The following SPTBN2 variants were observed in gnomAD, a reference collection of about 807,000 sequenced individuals.
SPTBN2 encodes spectrin beta, non-erythrocytic 2.
A neutral mutation model predicts 284.2 loss-of-function variants in SPTBN2; 107 were observed. The observed-to-expected ratio is 0.38, with a 90% CI of 0.32 to 0.44. The LOEUF is 0.44. SPTBN2 is among the 20% of genes least tolerant of loss of function. The pLI is 1.00. For missense variants in SPTBN2, 2,569 were observed against 3,287.1 expected, an observed-to-expected ratio of 0.78 and a Z score of 5.34; for synonymous variants, 1,289 against 1,354.8, an observed-to-expected ratio of 0.95 and a Z score of 1.07.
At chr11:66,697,546 G>C (rs563811386) in intron 20 of SPTBN2, among the ~76,000 whole-genome samples, 10 of 152,170 alleles carry the variant, frequency 6.6e-5, no homozygotes, top group African/African-American at 2.2e-4. Context: ...AACAGGCACT[G>C]CCTACCACTG....
At chr11:66,722,575 C>CAAAAA in intron 1 of SPTBN2, among the ~76,000 whole-genome samples, 1 of 50,978 alleles carries the variant, frequency 2.0e-5, no homozygotes. Context: ...GACTCTGTCT[C>CAAAAA]AAAAAAAAAA....
Position 66,688,149 on chromosome 11 carries a change from C to G in SPTBN2, c.6374+20G>C. The G allele has an allele frequency of 6.2e-7, 1 of 1,613,524 alleles. No individual in the cohort carries two copies. The highest frequency in any genetic ancestry group is 1.1e-5 in the South Asian group (1 of 91,082). On this transcript the variant is annotated intron_variant, in intron 32 of 37. Transcript: ENST00000533211. ...CCTGGGCTCAGCCGCCTCCTCCTAC[C>G]CAGGCATCCTGGCTCTCACCCGTCC...
intron 32 of SPTBN2, 22 bp from the exon 33 acceptor site, chr11:66,688,101 C>A: frequency 6.2e-7 from 1 of 1,613,932 alleles, no homozygotes; most frequent in Non-Finnish European, 8.5e-7. Flanking sequence ...AAAGGCAACA[C>A]AGAATCATTA....
At chr11:66,712,101 T>G (rs1026473493) in intron 8 of SPTBN2, among the ~76,000 whole-genome samples, 11 of 152,182 alleles carry the variant, frequency 7.2e-5, no homozygotes, top group African/African-American at 2.7e-4. Context: ...TGAACGCCAA[T>G]CTCAGCTCCA....
Position 66,684,089 on chromosome 11 carries a change from C to T in SPTBN2, c.*1782G>A, listed in dbSNP as rs77589052. 0.05 allele frequency among the ~76,000 whole-genome samples: 7,652 copies of T among 152,318 alleles called. 204 individuals are homozygous for T. The highest frequency in any genetic ancestry group is 0.092 in the Middle Eastern group (27 of 294). ...TGTGCTAGTTCTGGGCCTGCACACA[C>T]CTAACTCGGTCTTCGTCATGACTGA... On this transcript the variant is annotated 3_prime_UTR_variant, in exon 38 of 38. Transcript: ENST00000533211.
At chr11:66,721,571 AG>A (rs1320212499) in intron 1 of SPTBN2, 131 bp from the exon 2 acceptor site, 2 of 411,062 alleles carry the variant, frequency 4.9e-6, no homozygotes, top group Non-Finnish European at 9.2e-6. Context: ...GGGTGAAGAA[AG>A]GGGTGATGGG....
intron 36 of SPTBN2, 31 bp downstream of exon 36, chr11:66,686,963 C>A (rs2135295333): frequency 6.2e-7 from 1 of 1,613,124 alleles, no homozygotes; most frequent in South Asian, 1.1e-5. Flanking sequence ...AACTCTCCTC[C>A]CATCCCGAGA....
At position 66,701,011 on chromosome 11, in the gene SPTBN2, G is replaced by T; in HGVS notation, c.3088C>A (p.Pro1030Thr). The T allele has an allele frequency of 6.2e-7, 1 of 1,608,064 alleles. No individual in the cohort carries two copies. The highest frequency in any genetic ancestry group is 1.3e-5 in the African/African-American group (1 of 75,046). ...GCGTTGATGGCCACTGCCTGAGCGG[G>T]ATGGCCGGCAGCCAGGGCATTTGCC... ...REANALAAGHPAQAVAINARL... is the reference protein window; with the variant it reads ...REANALAAGHTAQAVAINARL... The change falls in exon 17 of 38, where the codon CCC (proline) becomes ACC (threonine). Residue 1030 changes from proline (P) to threonine (T), a missense_variant. Pro to Thr is a conservative substitution (Grantham distance 38). Transcript: ENST00000533211.
Position 66,692,603 on chromosome 11 carries a change from T to C in SPTBN2, c.5123A>G (p.Gln1708Arg), listed in dbSNP as rs1461479735. 2.5e-6 allele frequency: 4 copies of C among 1,607,040 alleles called. No homozygotes were observed. The highest frequency in any genetic ancestry group is 3.4e-6 in the Non-Finnish European group (4 of 1,179,944). ...CACCACCTCGCGCTCCTGGATCCACTGTTCCAGGTCATCCAGCTCGCGGCG... is the reference window on the plus strand; with the variant it reads ...CACCACCTCGCGCTCCTGGATCCACCGTTCCAGGTCATCCAGCTCGCGGCG... ...QLRRELDDLE[Q>R]WIQEREVVAA... The change falls in exon 26 of 38, where the codon CAG becomes CGG. Residue 1708 changes from glutamine (Q) to arginine (R), a missense_variant. Physicochemically the swap from Gln to Arg is conservative, Grantham distance 43. Around this residue, in one of 6 missense-constraint regions of SPTBN2, gnomAD observed 1,130 missense variants for 1,317.3 expected, o/e 0.86. Coordinates refer to ENST00000533211, the MANE Select transcript of SPTBN2 (RefSeq NM_006946.4).
chr11:66,692,607 C>G lies in SPTBN2; in HGVS notation c.5119G>C (p.Glu1707Gln). ...CQLRRELDDLEQWIQEREVVA... is the reference protein window; with the variant it reads ...CQLRRELDDLQQWIQEREVVA... The stretch of plus-strand genomic sequence containing the variant: ...ACCTCGCGCTCCTGGATCCACTGTT[C>G]CAGGTCATCCAGCTCGCGGCGGAGC... The change falls in exon 26 of 38, where the codon GAA becomes CAA. Residue 1707 changes from glutamate to glutamine, a missense_variant. Physicochemically the swap from Glu to Gln is conservative, Grantham distance 29. This residue lies in a region of SPTBN2 where 1,130 missense variants were observed against 1,317.3 expected (regional missense o/e 0.86). Transcript: ENST00000533211. The G allele has an allele frequency of 1.2e-6, 2 of 1,606,936 alleles. No homozygotes were observed. Among genetic ancestry groups the G allele is most frequent in the Non-Finnish European group, 1.7e-6 (2 of 1,179,954 alleles).
rs1343228562 is a variant in SPTBN2, at chr11:66,682,558, A to G, written c.*3313T>C. On this transcript the variant is annotated 3_prime_UTR_variant, in exon 38 of 38. Transcript: ENST00000533211. ...AATATATCTAAAATATTATTTCAAC[A>G]CATAATCAATATAAAAATTAAGGTA... is the stretch of plus-strand genomic sequence containing the variant. 6.6e-6 allele frequency among the ~76,000 whole-genome samples: 1 copy of G among 152,204 alleles called. No homozygotes were observed. The highest frequency in any genetic ancestry group is 2.4e-5 in the African/African-American group (1 of 41,434).
rs1377669364 is a variant in SPTBN2 at position 66,686,986 on chromosome 11, G to A, written c.6896+8C>T. The A allele has an allele frequency of 1.2e-6, 2 of 1,613,792 alleles. No homozygotes were observed. Among genetic ancestry groups the A allele is most frequent in the Admixed American group, 1.7e-5 (1 of 60,018 alleles). On this transcript the variant is annotated splice_region_variant and intron_variant, in intron 36 of 37. Transcript: ENST00000533211. ...TCCCATCCCGAGAGCACTGTTCCCT[G>A]TTCCTACCCCAGCTTGAAGACATGT...
At chr11:66,689,269 T>C in intron 29 of SPTBN2, 89 bp from the exon 30 acceptor site, 1 of 936,154 alleles carries the variant, frequency 1.1e-6, no homozygotes, top group Non-Finnish European at 1.5e-6. Context: ...GACAGGTGAT[T>C]TCTTTCTTTC....
At chr11:66,696,099 C>A (rs1253874573) in intron 21 of SPTBN2, among the ~76,000 whole-genome samples, 178 bp downstream of exon 21, 1 of 152,214 alleles carries the variant, frequency 6.6e-6, no homozygotes, top group Non-Finnish European at 1.5e-5. Flanking sequence ...TGTCTCCTAA[C>A]TCTAACCCTG....
intron 29 of SPTBN2, chr11:66,689,399 G>C (rs570223775): frequency 5.3e-6 from 3 of 566,060 alleles, no homozygotes; most frequent in Non-Finnish European, 6.2e-6. Context: ...CTCAGCCTCC[G>C]AGTAGCTGGG....
At position 66,689,177 on chromosome 11, in the gene SPTBN2, A is replaced by C; in HGVS notation, c.5953T>G (p.Ser1985Ala). The C allele has an allele frequency of 1.2e-6, 2 of 1,604,760 alleles. No homozygotes were observed. The highest frequency in any genetic ancestry group is 1.7e-6 in the Non-Finnish European group (2 of 1,174,910). Residue 1985 changes from serine (S) to alanine (A), a missense_variant, in exon 30 of 38, where the codon TCA becomes GCA. Ser to Ala is a moderately conservative substitution (Grantham distance 99). Transcript: ENST00000533211. Reference sequence around the variant, plus strand: ...GCCTGCAGCTGAGACAGCTTCTCTGAGATCTGGGGGCGGGGGGCAGAGATA... The same window carrying C: ...GCCTGCAGCTGAGACAGCTTCTCTGCGATCTGGGGGCGGGGGGCAGAGATA... ...ARSHYAAEEISEKLSQLQARR... is the reference protein window; with the variant it reads ...ARSHYAAEEIAEKLSQLQARR...
At position 66,685,649 on chromosome 11, in the gene SPTBN2, G is replaced by T; in HGVS notation, c.*222C>A. On this transcript the variant is annotated 3_prime_UTR_variant, in exon 38 of 38. Transcript: ENST00000533211. This position sits in a 1 kb window ranked among gnomAD's most constrained non-coding sequence, Gnocchi z 4.4. ...AGAAGTCGGCGGGGGTGGGAGAGGGGGTTACCTGGGTCCCACCACCAGTCT... is the reference window on the plus strand; with the variant it reads ...AGAAGTCGGCGGGGGTGGGAGAGGGTGTTACCTGGGTCCCACCACCAGTCT... The T allele has an allele frequency of 5.2e-6, 3 of 571,676 alleles. No homozygotes were observed. Among genetic ancestry groups the T allele is most frequent in the Non-Finnish European group, 9.5e-6 (3 of 316,744 alleles). 35.4% of individuals were successfully genotyped at this position (571,676 alleles called of 1,614,324 possible). A position where few individuals can be genotyped will look rare whatever the true frequency, so the allele number is the denominator to read the frequency against.
chr11:66,733,696 G>A (rs1291153844), upstream of SPTBN2, among the ~76,000 whole-genome samples: 2 of 152,140 alleles, frequency 1.3e-5, no homozygotes, highest in African/African-American at 4.8e-5. Flanking sequence ...GGGGATAGAT[G>A]AGCATTGATA....
chr11:66,699,680 G>T, intron 17 of SPTBN2, 72 bp from the exon 18 acceptor site: 2 of 1,506,074 alleles, frequency 1.3e-6, no homozygotes, highest in Non-Finnish European at 1.8e-6. Context: ...ACCCACCCAG[G>T]GGCAAATCTG....
Sources: allele counts gnomAD v4.1 joint callset (sites outside exome capture counted in the v4.1 genomes callset), GRCh38; gene constraint gnomAD v4.1.1; regional missense constraint gnomAD v4.1.1; non-coding constraint Gnocchi (gnomAD v3.1); transcripts MANE v1.5; gene names NCBI Gene and HGNC (gene_info 2026-07-23, HGNC 2026-07-21).